LINC00305: variants seen among roughly 807,000 people sequenced by gnomAD.
LINC00305 encodes the protein long intergenic non-protein coding RNA 305.
intron 3 of LINC00305, among the ~76,000 whole-genome samples, chr18:64,082,146 A>C (rs923427549): frequency 2.6e-5 from 4 of 152,150 alleles, no homozygotes; most frequent in Non-Finnish European, 5.9e-5. Flanking sequence ...TCAAGACAAA[A>C]TTTCTCCAAT....
intron 1 of LINC00305, among the ~76,000 whole-genome samples, chr18:64,122,169 G>A (rs1219120216): frequency 1.3e-5 from 2 of 151,934 alleles, no homozygotes; most frequent in African/African-American, 4.8e-5. Flanking sequence ...TTCTTTTGTT[G>A]TGCAGAAGCT....
At chr18:64,131,277 ATTTC>A (rs2051408880) in intron 1 of LINC00305, among the ~76,000 whole-genome samples, 1 of 152,312 alleles carries the variant, frequency 6.6e-6, no homozygotes, top group Middle Eastern at 3.4e-3. Flanking sequence ...TGCGGTATTC[ATTTC>A]TTTATCATTT....
intron 1 of LINC00305, among the ~76,000 whole-genome samples, chr18:64,130,862 A>T (rs1466040670): frequency 6.6e-6 from 1 of 152,138 alleles, no homozygotes; most frequent in Non-Finnish European, 1.5e-5. Flanking sequence ...CATAGGAAGG[A>T]GATATGGTAG....
intron 1 of LINC00305, among the ~76,000 whole-genome samples, chr18:64,136,431 C>T (rs746916245): frequency 1.8e-4 from 28 of 152,062 alleles, no homozygotes; most frequent in Admixed American, 2.6e-4. Flanking sequence ...CTTCACAGGG[C>T]GGCAGAAGAG....
exon 4 of LINC00305, chr18:64,080,330 A>G (rs887163009): frequency 2.2e-6 from 1 of 457,528 alleles, no homozygotes; most frequent in Non-Finnish European, 4.4e-6. Flanking sequence ...CTTCTCTTTG[A>G]CAACCATGTG....
intron 1 of LINC00305, among the ~76,000 whole-genome samples, chr18:64,136,495 G>A (rs2051434731): frequency 1.3e-5 from 2 of 152,114 alleles, no homozygotes; most frequent in African/African-American, 4.8e-5. Flanking sequence ...CAGATCTCAT[G>A]AGAACTCACT....
intron 1 of LINC00305, among the ~76,000 whole-genome samples, chr18:64,106,328 C>T (rs1293193254): frequency 6.6e-6 from 1 of 152,150 alleles, no homozygotes; most frequent in Non-Finnish European, 1.5e-5. Flanking sequence ...CATAGGTTGG[C>T]TGAGATTGTG....
intron 1 of LINC00305, among the ~76,000 whole-genome samples, chr18:64,108,667 GC>G (rs2051302017): frequency 1.3e-5 from 2 of 152,154 alleles, no homozygotes; most frequent in South Asian, 4.1e-4. Flanking sequence ...TACATATACA[GC>G]CCCTAGGGTG....
chr18:64,099,062 T>C (rs577515901), intron 1 of LINC00305, among the ~76,000 whole-genome samples: 1 of 152,330 alleles, frequency 6.6e-6, no homozygotes, highest in South Asian at 2.1e-4. Flanking sequence ...GAAGATATCC[T>C]GTCTCTATTC....
intron 1 of LINC00305, among the ~76,000 whole-genome samples, chr18:64,142,098 T>C (rs1024000851): frequency 6.6e-6 from 1 of 152,168 alleles, no homozygotes; most frequent in Non-Finnish European, 1.5e-5. Context: ...GACGCTGCTG[T>C]CTATGTGCAC....
chr18:64,118,892 G>T (rs2051349604), intron 1 of LINC00305, among the ~76,000 whole-genome samples: 2 of 149,468 alleles, frequency 1.3e-5, no homozygotes, highest in Admixed American at 1.3e-4. Context: ...TTGTCCATAG[G>T]ATTACACTTC....
At chr18:64,107,413 A>C (rs1317243027) in intron 1 of LINC00305, among the ~76,000 whole-genome samples, 3 of 152,218 alleles carry the variant, frequency 2.0e-5, no homozygotes, top group Non-Finnish European at 2.9e-5. Flanking sequence ...GAATCAGCAT[A>C]GTGTCGAGGA....
chr18:64,137,475 A>G (rs1047755774), intron 1 of LINC00305, among the ~76,000 whole-genome samples: 10 of 152,256 alleles, frequency 6.6e-5, no homozygotes, highest in African/African-American at 1.9e-4. Context: ...AATTTGATTC[A>G]CCAACGAATA....
At chr18:64,127,633 A>G (rs567459995) in intron 1 of LINC00305, among the ~76,000 whole-genome samples, 2 of 152,200 alleles carry the variant, frequency 1.3e-5, no homozygotes, top group Admixed American at 1.3e-4. Flanking sequence ...TTCACACAGT[A>G]TGCCTGGAAT....
exon 1 of LINC00305, chr18:64,148,955 G>C (rs1429898779): frequency 6.6e-6 from 1 of 152,294 alleles, no homozygotes; most frequent in African/African-American, 2.4e-5. Context: ...TAACTCACAA[G>C]AAAGGGACCT....
chr18:64,131,234 G>A (rs1017832848), intron 1 of LINC00305, among the ~76,000 whole-genome samples: 3 of 152,140 alleles, frequency 2.0e-5, no homozygotes, highest in Admixed American at 1.3e-4. Flanking sequence ...ATGACTAAAC[G>A]TTGGAACTAC....
chr18:64,147,246 A>G (rs1370413256), intron 1 of LINC00305: 2 of 152,164 alleles, frequency 1.3e-5, no homozygotes, highest in Admixed American at 1.3e-4. Context: ...CTAATTGGAT[A>G]CCTTATAAAG....
intron 1 of LINC00305, among the ~76,000 whole-genome samples, chr18:64,123,635 G>A (rs2051371876): frequency 6.6e-6 from 1 of 151,698 alleles, no homozygotes; most frequent in Admixed American, 6.6e-5. Context: ...TTTTAAGAAT[G>A]CTCTTTCCTT....
At chr18:64,100,796 G>C (rs1379866935) in intron 1 of LINC00305, among the ~76,000 whole-genome samples, 2 of 152,188 alleles carry the variant, frequency 1.3e-5, no homozygotes, top group Non-Finnish European at 2.9e-5. Flanking sequence ...GCAGTTGCCT[G>C]CTATGTTCAG....
Sources: allele counts gnomAD v4.1 joint callset (sites outside exome capture counted in the v4.1 genomes callset), GRCh38; gene constraint gnomAD v4.1.1; transcripts MANE v1.5; gene names NCBI Gene and HGNC (gene_info 2026-07-23, HGNC 2026-07-21).